Variants in IQCM observed in about 807,000 individuals in gnomAD.
The protein encoded by IQCM is IQ domain-containing protein M.
A neutral mutation model predicts 57.6 loss-of-function variants in IQCM; 45 were observed. The observed-to-expected ratio is 0.78, with a 90% CI of 0.62 to 1.00. IQCM has a LOEUF of 1.00. IQCM is among the 50% of genes least tolerant of loss of function. The pLI, the probability that IQCM is intolerant of heterozygous loss-of-function variation, is 0.00. For missense variants in IQCM, 468 were observed against 511.6 expected (o/e 0.91, Z 0.82); for synonymous variants, 148 against 158.9 (o/e 0.93, Z 0.51).
chr4:149,548,462 G>A lies in IQCM; in HGVS notation c.1221C>T (p.Val407=), dbSNP rs1748680286. Residue 407 remains valine (V), a synonymous_variant, in exon 12 of 14, where the codon GTC becomes GTT. Coordinates refer to ENST00000636793, the MANE Select transcript of IQCM (RefSeq NM_001363507.2). The part of the protein sequence containing the change: ...QKQVDDTWDL[V]HQDGKEKYSE... ...AAATGAGAAACTACTCACCTTGATG[G>A]ACCAGGTCCCAAGTATCATCAACTT... 8.1e-7 allele frequency: 1 copy of A among 1,231,788 alleles called. No individual in the cohort carries two copies. The highest frequency in any genetic ancestry group is 4.1e-5 in the South Asian group (1 of 24,312). 76.3% of individuals were successfully genotyped at this position (1,231,788 alleles called of 1,614,324 possible). A position where few individuals can be genotyped will look rare whatever the true frequency, so the allele number is the denominator to read the frequency against.
chr4:149,556,913 T>C (rs1370301074), intron 10 of IQCM, among the ~76,000 whole-genome samples: 1 of 152,172 alleles, frequency 6.6e-6, no homozygotes, highest in Non-Finnish European at 1.5e-5. Context: ...TCAAAGAGAT[T>C]ATTATTACTA....
chr4:149,374,599 T>A (rs1730579792), intron 13 of IQCM, among the ~76,000 whole-genome samples: 1 of 152,156 alleles, frequency 6.6e-6, no homozygotes. Flanking sequence ...GAAAAAGAAA[T>A]TCTAGAAATA....
intron 12 of IQCM, among the ~76,000 whole-genome samples, chr4:149,521,827 C>T (rs1175985874): frequency 6.6e-6 from 1 of 152,186 alleles, no homozygotes; most frequent in East Asian, 1.9e-4. Context: ...GACTGGAATG[C>T]TTGCTTTGTC....
chr4:149,568,553 G>A (rs1457778194), intron 9 of IQCM, among the ~76,000 whole-genome samples: 1 of 152,104 alleles, frequency 6.6e-6, no homozygotes, highest in Non-Finnish European at 1.5e-5. Flanking sequence ...TAGGGAGGCT[G>A]CGGCAGGTGG....
chr4:149,411,933 G>C lies in IQCM; in HGVS notation c.1390+21463C>G, dbSNP rs1214418894. Among the ~76,000 whole-genome samples, 3 of 152,312 alleles carry C rather than the reference G, an allele frequency of 2.0e-5. No individual in the cohort carries two copies. The South Asian group carries it at 6.2e-4, about 32-fold the overall frequency. ...CTTCAGAACTGAAGGTCTCAGCTAA[G>C]ATATGTGGGTTTTTAAAAGTATCAT... On this transcript the variant is annotated intron_variant, in intron 13 of 13. Transcript: ENST00000636793.
intron 12 of IQCM, among the ~76,000 whole-genome samples, chr4:149,502,902 C>T (rs1743411452): frequency 6.6e-6 from 1 of 151,758 alleles, no homozygotes; most frequent in African/African-American, 2.4e-5. Context: ...ATGTGTTGTT[C>T]CTAAACACAA....
intron 8 of IQCM, among the ~76,000 whole-genome samples, chr4:149,606,323 T>A (rs1320197121): frequency 6.6e-6 from 1 of 152,142 alleles, no homozygotes; most frequent in Non-Finnish European, 1.5e-5. Flanking sequence ...GCAATATTCC[T>A]GGGTTTACCA....
chr4:149,387,100 A>G (rs1397299792), intron 13 of IQCM, among the ~76,000 whole-genome samples: 1 of 152,004 alleles, frequency 6.6e-6, no homozygotes, highest in Non-Finnish European at 1.5e-5. Flanking sequence ...AACAACAGAA[A>G]TCTATTTCTC....
chr4:149,519,567 A>G (rs1745389044), intron 12 of IQCM, among the ~76,000 whole-genome samples: 1 of 151,814 alleles, frequency 6.6e-6, no homozygotes, highest in South Asian at 2.1e-4. Context: ...GGAGGCGTGA[A>G]CCCGAGAGGC....
intron 5 of IQCM, among the ~76,000 whole-genome samples, chr4:149,713,064 T>C (rs1281479543): frequency 6.6e-6 from 1 of 151,472 alleles, no homozygotes; most frequent in Non-Finnish European, 1.5e-5. Context: ...TAGGATTTTC[T>C]ACTGAAGTCC....
intron 13 of IQCM, among the ~76,000 whole-genome samples, chr4:149,385,334 T>G: frequency 6.6e-6 from 1 of 151,822 alleles, no homozygotes; most frequent in East Asian, 1.9e-4. Flanking sequence ...AAGGAAGAGG[T>G]TATAGACACC....
At chr4:149,384,657 G>T (rs1055235915) in intron 13 of IQCM, among the ~76,000 whole-genome samples, 1 of 151,878 alleles carries the variant, frequency 6.6e-6, no homozygotes, top group Non-Finnish European at 1.5e-5. Context: ...ACCTCTTAGG[G>T]ATTTTAACCT....
chr4:149,519,787 G>C (rs919472964), intron 12 of IQCM, among the ~76,000 whole-genome samples: 1 of 151,946 alleles, frequency 6.6e-6, no homozygotes, highest in African/African-American at 2.4e-5. Context: ...AGTGGATCAC[G>C]AGGTCAGGAG....
chr4:149,598,767 A>G (rs985407166), intron 8 of IQCM, among the ~76,000 whole-genome samples: 2 of 152,226 alleles, frequency 1.3e-5, no homozygotes, highest in Non-Finnish European at 2.9e-5. Flanking sequence ...ATATGAAGCA[A>G]TGGAGACTCT....
Position 149,587,956 on chromosome 4 carries a change from G to C in IQCM, c.723C>G (p.Ile241Met). 8.2e-7 allele frequency: 1 copy of C among 1,225,810 alleles called. No homozygotes were observed. Among genetic ancestry groups the C allele is most frequent in the Non-Finnish European group, 1.0e-6 (1 of 982,824 alleles). 75.9% of individuals were successfully genotyped at this position (1,225,810 alleles called of 1,614,324 possible). The change falls in exon 9 of 14, where the codon ATC (isoleucine) becomes ATG (methionine). Residue 241 changes from isoleucine (I) to methionine (M), a missense_variant. Ile to Met is a conservative substitution (Grantham distance 10). Transcript: ENST00000636793. ...KTLIKKERQPIKPEPKSQPRI... is the reference protein window; with the variant it reads ...KTLIKKERQPMKPEPKSQPRI... ...TGGGTTGTGATTTTGGTTCTGGCTT[G>C]ATAGGTTGTCGCTCCTTTTTAATAA...
intron 8 of IQCM, among the ~76,000 whole-genome samples, chr4:149,590,811 A>G (rs933056789): frequency 1.3e-5 from 2 of 152,084 alleles, no homozygotes; most frequent in African/African-American, 4.8e-5. Context: ...ATAGTATTCC[A>G]TGGTGTATAT....
intron 8 of IQCM, among the ~76,000 whole-genome samples, chr4:149,597,087 CA>C (rs139370886): frequency 2.6e-5 from 4 of 150,950 alleles, no homozygotes; most frequent in Admixed American, 1.3e-4. Flanking sequence ...ATTGAAGAAA[CA>C]AAAAAAATTA....
intron 8 of IQCM, among the ~76,000 whole-genome samples, chr4:149,593,105 A>C (rs1753374036): frequency 6.6e-6 from 1 of 151,788 alleles, no homozygotes; most frequent in African/African-American, 2.4e-5. Flanking sequence ...CATGTTCTTG[A>C]ATTTGTTTGT....
chr4:149,478,611 G>C (rs1740456811), intron 12 of IQCM, among the ~76,000 whole-genome samples: 1 of 152,136 alleles, frequency 6.6e-6, no homozygotes, highest in Admixed American at 6.5e-5. Context: ...TGCAGATTTG[G>C]ACTACCAGGA....
Sources: gnomAD v4.1 joint callset for allele counts (sites outside exome capture counted in the v4.1 genomes callset) on GRCh38, gnomAD v4.1.1 for gene constraint, MANE v1.5 for transcripts, NCBI Gene and HGNC (gene_info 2026-07-23, HGNC 2026-07-21) for gene names.